PCCA: variants seen among roughly 807,000 people sequenced by gnomAD.
PCCA encodes the protein propionyl-CoA carboxylase alpha chain, mitochondrial.
Under a neutral mutation model 101.3 loss-of-function variants are expected in PCCA, and 74 were observed. The observed-to-expected ratio is 0.73, with a 90% CI of 0.61 to 0.89. The LOEUF is 0.89. PCCA is among the 40% of genes least tolerant of loss of function. PCCA has a pLI of 0.00. For missense variants in PCCA, 891 were observed against 907.0 expected (o/e 0.98, Z 0.23); for synonymous variants, 294 against 313.6 (o/e 0.94, Z 0.66).
At chr13:100,390,859 T>C (rs1349292079) in intron 19 of PCCA, among the ~76,000 whole-genome samples, 2 of 152,210 alleles carry the variant, frequency 1.3e-5, no homozygotes, top group Admixed American at 6.5e-5. Context: ...AGTGAATGAC[T>C]CTTCTAAAGG....
At chr13:100,527,598 T>G (rs534090969) in intron 22 of PCCA, 77 bp from the exon 23 acceptor site, 8 of 991,448 alleles carry the variant, frequency 8.1e-6, no homozygotes, top group South Asian at 3.8e-5. Flanking sequence ...GACAAAGAAT[T>G]TCTTAATGGC....
At chr13:100,181,536 C>T (rs775309214) in intron 6 of PCCA, among the ~76,000 whole-genome samples, 60 of 152,044 alleles carry the variant, frequency 3.9e-4, no homozygotes, top group Non-Finnish European at 7.9e-4. Flanking sequence ...AATCCTCCCA[C>T]CGTAGCCTCC....
intron 19 of PCCA, among the ~76,000 whole-genome samples, chr13:100,417,754 A>G (rs1005011392): frequency 3.9e-5 from 6 of 151,980 alleles, no homozygotes. Flanking sequence ...TCAGACCAAC[A>G]GCCTTTTGTA....
chr13:100,466,013 G>A (rs1167969908), intron 21 of PCCA: 1 of 152,220 alleles, frequency 6.6e-6, no homozygotes, highest in Non-Finnish European at 1.5e-5. Flanking sequence ...ATGGAATTTA[G>A]GGCAAAGTCT....
chr13:100,461,871 A>G (rs2082186978), intron 21 of PCCA, among the ~76,000 whole-genome samples: 1 of 152,190 alleles, frequency 6.6e-6, no homozygotes, highest in East Asian at 1.9e-4. Context: ...AGAGAAACGG[A>G]TAGAAAGTAT....
At chr13:100,301,688 A>G (rs1273169560) in intron 13 of PCCA, 85 bp downstream of exon 13, 1 of 1,472,772 alleles carries the variant, frequency 6.8e-7, no homozygotes, top group Non-Finnish European at 9.5e-7. Flanking sequence ...AGGTAAAGTT[A>G]GGGTTTTATA....
chr13:100,222,172 C>G (rs2059859639), intron 7 of PCCA, among the ~76,000 whole-genome samples: 1 of 152,116 alleles, frequency 6.6e-6, no homozygotes, highest in African/African-American at 2.4e-5. Flanking sequence ...TCCGGAGTAG[C>G]TGGGATTACA....
At chr13:100,205,538 C>CTTTTTTTT (rs3034652) in intron 6 of PCCA, among the ~76,000 whole-genome samples, 2 of 112,106 alleles carry the variant, frequency 1.8e-5, no homozygotes, top group Non-Finnish European at 3.4e-5. Context: ...TTGATATAAG[C>CTTTTTTTT]TTTTTTTTTT....
intron 4 of PCCA, among the ~76,000 whole-genome samples, chr13:100,141,352 A>G (rs1249293529): frequency 6.6e-6 from 1 of 152,006 alleles, no homozygotes; most frequent in Non-Finnish European, 1.5e-5. Flanking sequence ...TTATTGTTCA[A>G]TAGCCAATTC....
At chr13:100,191,516 A>G (rs781585040) in intron 6 of PCCA, among the ~76,000 whole-genome samples, 18 of 152,234 alleles carry the variant, frequency 1.2e-4, no homozygotes, top group Non-Finnish European at 2.4e-4. Context: ...CACAGCAGCC[A>G]AGGAACTCGT....
At chr13:100,231,255 T>C (rs2060454845) in intron 7 of PCCA, among the ~76,000 whole-genome samples, 1 of 152,202 alleles carries the variant, frequency 6.6e-6, no homozygotes, top group Non-Finnish European at 1.5e-5. Flanking sequence ...TTCCGTCCCG[T>C]GTCTTCAGGG....
intron 13 of PCCA, among the ~76,000 whole-genome samples, chr13:100,302,700 G>A (rs890609716): frequency 3.3e-5 from 5 of 152,116 alleles, no homozygotes; most frequent in Non-Finnish European, 7.4e-5. Context: ...TTTCAATAAA[G>A]TATGAACAAG....
At chr13:100,133,060 T>C (rs1412834531) in intron 4 of PCCA, among the ~76,000 whole-genome samples, 2 of 152,210 alleles carry the variant, frequency 1.3e-5, no homozygotes, top group African/African-American at 4.8e-5. Context: ...ATTATAGACA[T>C]GAGCCACCAT....
At chr13:100,192,110 T>A (rs1299346349) in intron 6 of PCCA, among the ~76,000 whole-genome samples, 2 of 152,200 alleles carry the variant, frequency 1.3e-5, no homozygotes, top group African/African-American at 4.8e-5. Flanking sequence ...CTTTTATTAT[T>A]TATGCAGTTG....
chr13:100,313,414 G>A (rs964207076), intron 16 of PCCA, among the ~76,000 whole-genome samples: 4 of 152,174 alleles, frequency 2.6e-5, no homozygotes, highest in African/African-American at 9.7e-5. Context: ...AAATTTGGAG[G>A]CTAGGGTTTT....
chr13:100,343,650 T>G (rs2071729630), intron 18 of PCCA, among the ~76,000 whole-genome samples: 1 of 152,228 alleles, frequency 6.6e-6, no homozygotes, highest in Non-Finnish European at 1.5e-5. Context: ...TGAGTTTTAT[T>G]GTTCTAAAAC....
intron 12 of PCCA, among the ~76,000 whole-genome samples, chr13:100,292,534 C>T (rs1425075497): frequency 6.6e-6 from 1 of 152,126 alleles, no homozygotes; most frequent in Non-Finnish European, 1.5e-5. Flanking sequence ...AGTATCTTAT[C>T]CATAACATTT....
intron 6 of PCCA, among the ~76,000 whole-genome samples, chr13:100,190,330 A>G (rs1159027180): frequency 6.6e-6 from 1 of 152,232 alleles, no homozygotes; most frequent in Non-Finnish European, 1.5e-5. Flanking sequence ...CATTATTAAA[A>G]TAAAGAGTCA....
At chr13:100,417,933 A>T (rs1282098546) in intron 19 of PCCA, among the ~76,000 whole-genome samples, 2 of 151,894 alleles carry the variant, frequency 1.3e-5, no homozygotes, top group African/African-American at 4.8e-5. Context: ...CTTTTTTGAA[A>T]TCACATCATC....
Sources: allele counts gnomAD v4.1 joint callset (sites outside exome capture counted in the v4.1 genomes callset), GRCh38; gene constraint gnomAD v4.1.1; transcripts MANE v1.5; gene names NCBI Gene and HGNC (gene_info 2026-07-23, HGNC 2026-07-21).